The following CCR8 variants were observed in gnomAD, a reference collection of about 807,000 sequenced individuals.
The protein encoded by CCR8 is C-C chemokine receptor type 8.
For synonymous variants in CCR8, 156 were observed against 165.7 expected, an observed-to-expected ratio of 0.94 and a Z score of 0.45; for missense variants, 358 against 417.5, an observed-to-expected ratio of 0.86 and a Z score of 1.24.
Position 39,332,709 on chromosome 3 carries a change from C to T in CCR8, c.378C>T (p.Leu126=), listed in dbSNP as rs2041265710. ...ACAGCAGCATGTTTTTCATCACCCT[C>T]ATGAGTGTGGACAGGTACCTGGCTG... ...GFYSSMFFIT[L]MSVDRYLAVV... Residue 126 remains leucine (L), a synonymous_variant, in exon 2 of 2, where the codon CTC becomes CTT. Coordinates refer to ENST00000326306, the MANE Select transcript of CCR8 (RefSeq NM_005201.4). The T allele has an allele frequency of 1.9e-6, 3 of 1,614,146 alleles. No individual in the cohort carries two copies. Among genetic ancestry groups the T allele is most frequent in the Non-Finnish European group, 2.5e-6 (3 of 1,180,016 alleles).
In CCR8 at chr3:39,333,587, G is replaced by A. The variant is rs2041273646; in HGVS notation, c.*188G>A. 3.4e-6 allele frequency: 2 copies of A among 587,664 alleles called. No individual in the cohort carries two copies. The highest frequency in any genetic ancestry group is 6.1e-6 in the Non-Finnish European group (2 of 325,280). The allele number at this position is 587,664 out of a possible 1,614,324, so 36.4% of individuals were successfully genotyped here. On this transcript the variant is annotated 3_prime_UTR_variant, in exon 2 of 2. Coordinates refer to ENST00000326306, the MANE Select transcript of CCR8 (RefSeq NM_005201.4). ...GCATGCCTGGCACAACATCAAGCCTGTGATTGTGTTTATTGATGATGTTGA... is the reference window on the plus strand; with the variant it reads ...GCATGCCTGGCACAACATCAAGCCTATGATTGTGTTTATTGATGATGTTGA...
At chr3:39,329,930 T>C (rs1251459833) in intron 1 of CCR8, 101 bp downstream of exon 1, 1 of 152,108 alleles carries the variant, frequency 6.6e-6, no homozygotes, top group Non-Finnish European at 1.5e-5. Flanking sequence ...ATTTCAGAGG[T>C]CTAGCACAAG....
chr3:39,332,486 G>A lies in CCR8; in HGVS notation c.155G>A (p.Gly52Glu), dbSNP rs1300357681. The A allele has an allele frequency of 6.2e-7, 1 of 1,613,966 alleles. No individual in the cohort carries two copies. Among genetic ancestry groups the A allele is most frequent in the East Asian group, 2.2e-5 (1 of 44,894 alleles). ...YCLLFVFSLL[G>E]NSLVILVLVV... is the part of the protein sequence containing the mutation. The stretch of plus-strand genomic sequence containing the variant: ...CTCCTGTTTGTATTCAGTCTTCTGG[G>A]AAACAGCCTGGTCATCCTGGTCCTT... The change falls in exon 2 of 2, where the codon GGA becomes GAA. Residue 52 changes from glycine (G) to glutamate (E), a missense_variant. By Grantham distance (98) the Gly-to-Glu change is moderately conservative (BLOSUM62 -2). Transcript: ENST00000326306.
Position 39,333,635 on chromosome 3 carries a change from T to C in CCR8, c.*236T>C. ...TGAACAAGTGGTAACTTTAAAGGAT[T>C]CTGTATGCCAAGTGAAAAAAAAAGA... On this transcript the variant is annotated 3_prime_UTR_variant, in exon 2 of 2. Coordinates refer to ENST00000326306, the MANE Select transcript of CCR8 (RefSeq NM_005201.4). The C allele has an allele frequency of 2.0e-6, 1 of 504,476 alleles. No homozygotes were observed. Among genetic ancestry groups the C allele is most frequent in the Non-Finnish European group, 3.6e-6 (1 of 277,792 alleles). The allele number at this position is 504,476 out of a possible 1,614,324, so 31.2% of individuals were successfully genotyped here.
chr3:39,330,764 G>C (rs1016734258), intron 1 of CCR8, among the ~76,000 whole-genome samples: 1 of 151,840 alleles, frequency 6.6e-6, no homozygotes. Context: ...AAAATACAAA[G>C]GGAAAAACAA....
chr3:39,333,470 GGT>G lies in CCR8; in HGVS notation c.*75_*76del. ...GCTAGTAGCAGTGAGCAAAGGTGTGGGTGTGAAAGGTTTCCAAAAAAAGTTCA... is the reference window on the plus strand; with the variant it reads ...GCTAGTAGCAGTGAGCAAAGGTGTGGGTGAAAGGTTTCCAAAAAAAGTTCA... On this transcript the variant is annotated 3_prime_UTR_variant, in exon 2 of 2. Transcript: ENST00000326306. 1 of 1,253,662 alleles carries G rather than the reference GGT, an allele frequency of 8.0e-7. No individual in the cohort carries two copies. Among genetic ancestry groups the G allele is most frequent in the Non-Finnish European group, 1.1e-6 (1 of 907,672 alleles). 77.7% of individuals were successfully genotyped at this position (1,253,662 alleles called of 1,614,324 possible).
Position 39,332,725 on chromosome 3 carries a change from T to C in CCR8, c.394T>C (p.Tyr132His), listed in dbSNP as rs776126766. 9 of 1,614,146 alleles carry C rather than the reference T, an allele frequency of 5.6e-6. No homozygotes were observed. Among genetic ancestry groups the C allele is most frequent in the Non-Finnish European group, 7.6e-6 (9 of 1,179,994 alleles). ...FFITLMSVDR[Y>H]LAVVHAVYAL... is the part of the protein sequence containing the mutation. ...CATCACCCTCATGAGTGTGGACAGG[T>C]ACCTGGCTGTTGTCCATGCCGTGTA... The change falls in exon 2 of 2, where the codon TAC (tyrosine) becomes CAC (histidine). Residue 132 changes from tyrosine (Y) to histidine (H), a missense_variant. Tyr to His is a moderately conservative substitution (Grantham distance 83). Transcript: ENST00000326306.
intron 1 of CCR8, among the ~76,000 whole-genome samples, chr3:39,330,911 T>A (rs1481649306): frequency 6.6e-6 from 1 of 152,016 alleles, no homozygotes; most frequent in Non-Finnish European, 1.5e-5. Context: ...ACCAAATTGG[T>A]TTTAGTTGTT....
chr3:39,331,372 C>T (rs1692563252), intron 1 of CCR8, among the ~76,000 whole-genome samples: 2 of 152,310 alleles, frequency 1.3e-5, no homozygotes, highest in South Asian at 2.1e-4. Flanking sequence ...GGTCTTTACT[C>T]CATGCACAAG....
rs1453806189 is a variant in CCR8 at position 39,333,188 on chromosome 3, A to C, written c.857A>C (p.Glu286Ala). The stretch of plus-strand genomic sequence containing the variant: ...CTGACTTATGCCACCCATGTCACAG[A>C]AATCATTTCCTTTACTCACTGCTGT... ...QQLTYATHVT[E>A]IISFTHCCVN... The change falls in exon 2 of 2, where the codon GAA becomes GCA. Residue 286 changes from glutamate (E) to alanine (A), a missense_variant. Coordinates refer to ENST00000326306, the MANE Select transcript of CCR8 (RefSeq NM_005201.4). 6.2e-7 allele frequency: 1 copy of C among 1,614,126 alleles called. No homozygotes were observed. Among genetic ancestry groups the C allele is most frequent in the Non-Finnish European group, 8.5e-7 (1 of 1,180,016 alleles).
rs768382372 is a variant in CCR8, at chr3:39,332,724, G to T, written c.393G>T (p.Arg131Ser). 2 of 1,614,116 alleles carry T rather than the reference G, an allele frequency of 1.2e-6. No homozygotes were observed. Among genetic ancestry groups the T allele is most frequent in the Admixed American group, 3.3e-5 (2 of 60,022 alleles). Residue 131 changes from arginine (R) to serine (S), a missense_variant, in exon 2 of 2, where the codon AGG (arginine) becomes AGT (serine). Physicochemically the swap from Arg to Ser is moderately radical, Grantham distance 110. Coordinates refer to ENST00000326306, the MANE Select transcript of CCR8 (RefSeq NM_005201.4). Reference sequence around the variant, plus strand: ...TCATCACCCTCATGAGTGTGGACAGGTACCTGGCTGTTGTCCATGCCGTGT... The same window carrying T: ...TCATCACCCTCATGAGTGTGGACAGTTACCTGGCTGTTGTCCATGCCGTGT... ...MFFITLMSVD[R>S]YLAVVHAVYA...
At position 39,333,414 on chromosome 3, in the gene CCR8, T is replaced by C; in HGVS notation, c.*15T>C. On this transcript the variant is annotated 3_prime_UTR_variant, in exon 2 of 2. Transcript: ENST00000326306. Reference sequence around the variant, plus strand: ...ACATTTTGTGAGGATCAATGAAGACTAAATATAAAAAACATTTTCTTGAAT... The same window carrying C: ...ACATTTTGTGAGGATCAATGAAGACCAAATATAAAAAACATTTTCTTGAAT... The C allele has an allele frequency of 6.3e-7, 1 of 1,575,006 alleles. No individual in the cohort carries two copies.
At chr3:39,330,673 AT>A (rs954424262) in intron 1 of CCR8, among the ~76,000 whole-genome samples, 1 of 151,904 alleles carries the variant, frequency 6.6e-6, no homozygotes, top group Non-Finnish European at 1.5e-5. Context: ...TTATAAAGTT[AT>A]TTTTTTTCTG....
At chr3:39,332,248 A>G (rs772627012) in intron 1 of CCR8, 70 bp from the exon 2 acceptor site, 2 of 901,196 alleles carry the variant, frequency 2.2e-6, no homozygotes, top group Non-Finnish European at 3.5e-6. Context: ...AGTCCATAAC[A>G]TCCCCCTAAT....
chr3:39,331,916 T>C (rs1477463598), intron 1 of CCR8, among the ~76,000 whole-genome samples: 2 of 147,942 alleles, frequency 1.4e-5, no homozygotes, highest in African/African-American at 5.0e-5. Context: ...ACCTCTTCGG[T>C]TCAAGTGATT....
intron 1 of CCR8, 62 bp from the exon 2 acceptor site, chr3:39,332,255 TA>T: frequency 2.0e-6 from 2 of 1,004,256 alleles, no homozygotes; most frequent in Non-Finnish European, 3.0e-6. Flanking sequence ...AACATCCCCC[TA>T]ATTTTTAAAA....
Position 39,332,705 on chromosome 3 carries a change from C to A in CCR8, c.374C>A (p.Thr125Asn). ...IGFYSSMFFITLMSVDRYLAV... is the reference protein window; with the variant it reads ...IGFYSSMFFINLMSVDRYLAV... Reference sequence around the variant, plus strand: ...TTCTACAGCAGCATGTTTTTCATCACCCTCATGAGTGTGGACAGGTACCTG... The same window carrying A: ...TTCTACAGCAGCATGTTTTTCATCAACCTCATGAGTGTGGACAGGTACCTG... Residue 125 changes from threonine to asparagine, a missense_variant, in exon 2 of 2, where the codon ACC becomes AAC. Thr to Asn is a moderately conservative substitution (Grantham distance 65). Transcript: ENST00000326306. 1.2e-6 allele frequency: 2 copies of A among 1,614,114 alleles called. No individual in the cohort carries two copies. The highest frequency in any genetic ancestry group is 1.7e-6 in the Non-Finnish European group (2 of 1,180,010).
chr3:39,332,459 G>C lies in CCR8; in HGVS notation c.128G>C (p.Cys43Ser), dbSNP rs140996751. 1,065 of 1,613,984 alleles carry C rather than the reference G, an allele frequency of 6.6e-4. 13 individuals are homozygous for C. In the African/African-American group the frequency reaches 9.1e-3, roughly 14 times the overall value. The change falls in exon 2 of 2, where the codon TGC (cysteine) becomes TCC (serine). Residue 43 changes from cysteine (C) to serine (S), a missense_variant. By Grantham distance (112) the Cys-to-Ser change is moderately radical (BLOSUM62 -1). Coordinates refer to ENST00000326306, the MANE Select transcript of CCR8 (RefSeq NM_005201.4). ...NGKLLLAVFY[C>S]LLFVFSLLGN... ...AAGTTGCTCCTTGCTGTCTTTTATT[G>C]CCTCCTGTTTGTATTCAGTCTTCTG...
rs965136311 is a variant in CCR8, at chr3:39,333,061, G to T, written c.730G>T (p.Val244Phe). 2.5e-6 allele frequency: 4 copies of T among 1,613,984 alleles called. No individual in the cohort carries two copies. The African/African-American group carries it at 4.0e-5, about 16-fold the overall frequency. ...TKAIRLVLIV[V>F]IASLLFWVPF... ...GGCCATCAGGTTGGTGCTCATTGTG[G>T]TCATTGCATCTTTACTTTTCTGGGT... The change falls in exon 2 of 2, where the codon GTC becomes TTC. Residue 244 changes from valine (V) to phenylalanine (F), a missense_variant. Physicochemically the swap from Val to Phe is conservative, Grantham distance 50. Coordinates refer to ENST00000326306, the MANE Select transcript of CCR8 (RefSeq NM_005201.4).
Sources: gnomAD v4.1 joint callset for allele counts (sites outside exome capture counted in the v4.1 genomes callset) on GRCh38, gnomAD v4.1.1 for gene constraint, MANE v1.5 for transcripts, NCBI Gene and HGNC (gene_info 2026-07-23, HGNC 2026-07-21) for gene names.